Variants in SLIT2 observed in about 807,000 individuals in gnomAD.
SLIT2 encodes slit guidance ligand 2.
A neutral mutation model predicts 185.7 loss-of-function variants in SLIT2; 41 were observed. That is an observed-to-expected ratio of 0.22 (90% CI 0.17 to 0.29). The LOEUF is 0.29. SLIT2 is among the 10% of genes least tolerant of loss of function. The pLI, the probability that SLIT2 is intolerant of heterozygous loss-of-function variation, is 1.00. For synonymous variants in SLIT2, 693 were observed against 680.2 expected, an observed-to-expected ratio of 1.02 and a Z score of -0.29; for missense variants, 1,571 against 1,909.0, an observed-to-expected ratio of 0.82 and a Z score of 3.30.
chr4:20,314,801 C>T (rs142130611), intron 4 of SLIT2, among the ~76,000 whole-genome samples: 1,801 of 152,078 alleles, frequency 0.012, 22 homozygotes, highest in Non-Finnish European at 0.019. Context: ...TCAATAAATT[C>T]ATGGAAAGCT....
chr4:20,424,165 A>T (rs1208104623), intron 4 of SLIT2, among the ~76,000 whole-genome samples: 2 of 152,162 alleles, frequency 1.3e-5, no homozygotes, highest in African/African-American at 4.8e-5. Flanking sequence ...GCCACCTTCC[A>T]GGAATGTTAA....
intron 29 of SLIT2, among the ~76,000 whole-genome samples, chr4:20,584,932 G>C (rs1265385134): frequency 6.6e-6 from 1 of 152,116 alleles, no homozygotes; most frequent in Non-Finnish European, 1.5e-5. Context: ...GCATGTGCCT[G>C]TAATCCCAGC....
chr4:20,548,441 T>A, intron 22 of SLIT2, 47 bp from the exon 23 acceptor site: 1 of 953,868 alleles, frequency 1.0e-6, no homozygotes, highest in Non-Finnish European at 1.7e-6. Flanking sequence ...CACTAATATT[T>A]TCATTTCTGT....
intron 4 of SLIT2, among the ~76,000 whole-genome samples, chr4:20,457,470 C>T (rs1283559105): frequency 2.6e-5 from 4 of 151,790 alleles, no homozygotes; most frequent in African/African-American, 9.7e-5. Flanking sequence ...TGTGCAAACC[C>T]TTGGCAAGAA....
At chr4:20,566,925 G>C (rs2148912835) in intron 26 of SLIT2, among the ~76,000 whole-genome samples, 1 of 152,118 alleles carries the variant, frequency 6.6e-6, no homozygotes, top group South Asian at 2.1e-4. Context: ...GCAGGAGGAG[G>C]TTAAAGTACA....
intron 5 of SLIT2, among the ~76,000 whole-genome samples, chr4:20,473,280 G>A (rs1392716403): frequency 6.6e-6 from 1 of 151,638 alleles, no homozygotes; most frequent in African/African-American, 2.4e-5. Context: ...CCTTTTCCAG[G>A]AACAAAATGC....
rs563932303 is a variant in SLIT2, at chr4:20,262,728, A to G, written c.323+4789A>G. On this transcript the variant is annotated intron_variant, in intron 3 of 36. Coordinates refer to ENST00000504154, the MANE Select transcript of SLIT2 (RefSeq NM_004787.4). ...AAGATATAATAGCCATTATATGCCA[A>G]TGATGTTCACCTATTCGTAAGCAAT... Among the ~76,000 whole-genome samples the G allele has an allele frequency of 3.9e-5, 6 of 152,002 alleles. No homozygotes were observed. In the South Asian group the frequency reaches 8.3e-4, roughly 21 times the overall value.
intron 4 of SLIT2, among the ~76,000 whole-genome samples, chr4:20,357,465 A>G (rs1220927241): frequency 6.6e-6 from 1 of 152,098 alleles, no homozygotes; most frequent in Non-Finnish European, 1.5e-5. Context: ...CTATTTTTCC[A>G]CAGTTAGTTC....
chr4:20,439,635 C>T (rs375298716), intron 4 of SLIT2, among the ~76,000 whole-genome samples: 10 of 152,194 alleles, frequency 6.6e-5, no homozygotes, highest in East Asian at 1.9e-4. Flanking sequence ...TAAGGAGATA[C>T]GGGGAGAGCA....
intron 5 of SLIT2, among the ~76,000 whole-genome samples, chr4:20,469,600 T>A (rs187714578): frequency 6.6e-6 from 1 of 152,092 alleles, no homozygotes; most frequent in African/African-American, 2.4e-5. Context: ...AATTTAAAGA[T>A]TTTTTATTAT....
chr4:20,387,240 T>A (rs1577552870), intron 4 of SLIT2, among the ~76,000 whole-genome samples: 1 of 152,278 alleles, frequency 6.6e-6, no homozygotes, highest in East Asian at 1.9e-4. Context: ...TTTTTGAGGA[T>A]TCTAAAAGGA....
intron 4 of SLIT2, among the ~76,000 whole-genome samples, chr4:20,368,620 C>A (rs559945652): frequency 6.6e-6 from 1 of 152,184 alleles, no homozygotes; most frequent in South Asian, 2.1e-4. Flanking sequence ...GTGCAGGAAT[C>A]TGAAAAAATT....
At chr4:20,448,765 G>C (rs925644794) in intron 4 of SLIT2, among the ~76,000 whole-genome samples, 4 of 152,134 alleles carry the variant, frequency 2.6e-5, no homozygotes, top group African/African-American at 9.7e-5. Context: ...AGCCTCCCGA[G>C]TAGCTGGGAT....
chr4:20,254,102 T>A lies in SLIT2; in HGVS notation c.179+108T>A, dbSNP rs1302188027. The A allele has an allele frequency of 8.8e-7, 1 of 1,134,034 alleles. No individual in the cohort carries two copies. Among genetic ancestry groups the A allele is most frequent in the East Asian group, 2.4e-5 (1 of 41,680 alleles). 70.2% of individuals were successfully genotyped at this position (1,134,034 alleles called of 1,614,324 possible). ...GTCCTGTGCCTGGGGCAGCCCTCGC[T>A]AGCTCTCCCCCATGCACATCCTGGG... On this transcript the variant is annotated intron_variant, in intron 1 of 36. Coordinates refer to ENST00000504154, the MANE Select transcript of SLIT2 (RefSeq NM_004787.4). This position sits in a 1 kb window ranked among gnomAD's most constrained non-coding sequence, Gnocchi z 5.1.
At chr4:20,541,377 A>G in intron 19 of SLIT2, 76 bp from the exon 20 acceptor site, 1 of 1,259,862 alleles carries the variant, frequency 7.9e-7, no homozygotes. Flanking sequence ...AGCGTGGAGA[A>G]GGGTAGCTGG....
chr4:20,610,870 A>G (rs1729157121), intron 34 of SLIT2, among the ~76,000 whole-genome samples: 1 of 152,214 alleles, frequency 6.6e-6, no homozygotes, highest in Non-Finnish European at 1.5e-5. Context: ...TTTTAAGTGA[A>G]AAGAAGGCAG....
chr4:20,387,688 C>T (rs994165591), intron 4 of SLIT2, among the ~76,000 whole-genome samples: 3 of 151,998 alleles, frequency 2.0e-5, no homozygotes, highest in Non-Finnish European at 4.4e-5. Context: ...GGCCCACGGG[C>T]AACAAAAAGA....
rs539165714 is a variant in SLIT2 at position 20,381,649 on chromosome 4, T to G, written c.396-86103T>G. On this transcript the variant is annotated intron_variant, in intron 4 of 36. Coordinates refer to ENST00000504154, the MANE Select transcript of SLIT2 (RefSeq NM_004787.4). ...ATAACCTGTATTGATTAAATAAATT[T>G]CATAGTTTAAAATCTTTCTACCAAA... 5.7e-4 allele frequency among the ~76,000 whole-genome samples: 87 copies of G among 152,288 alleles called. No homozygotes were observed. In the South Asian group the frequency reaches 0.014, roughly 25 times the overall value.
chr4:20,519,350 C>CTAA, intron 11 of SLIT2, 32 bp from the exon 12 acceptor site: 1 of 1,128,252 alleles, frequency 8.9e-7, no homozygotes, highest in Non-Finnish European at 1.3e-6. Context: ...GGTTTGGTGT[C>CTAA]TAATTTTTTT....
Sources: allele counts gnomAD v4.1 joint callset (sites outside exome capture counted in the v4.1 genomes callset), GRCh38; gene constraint gnomAD v4.1.1; non-coding constraint Gnocchi (gnomAD v3.1); transcripts MANE v1.5; gene names NCBI Gene and HGNC (gene_info 2026-07-23, HGNC 2026-07-21).